The following ISCA1 variants were observed in gnomAD, a reference collection of about 807,000 sequenced individuals.
ISCA1 encodes iron-sulfur cluster assembly 1 homolog, mitochondrial.
ISCA1 carries 9 observed loss-of-function variants against 14.7 expected under a neutral mutation model. The observed-to-expected ratio is 0.61, with a 90% CI of 0.37 to 1.07. The LOEUF is 1.07. Ranked by LOEUF, ISCA1 falls within the 50% of genes least tolerant of loss-of-function variation. The probability of loss-of-function intolerance (pLI) is 0.01; values close to 1 mark genes in which losing one functional copy is unlikely to be tolerated. For missense variants in ISCA1, 102 were observed against 150.1 expected, an observed-to-expected ratio of 0.68 and a Z score of 1.67; for synonymous variants, 38 against 54.3, an observed-to-expected ratio of 0.70 and a Z score of 1.32.
At chr9:86,268,940 G>C (rs926433613) in intron 3 of ISCA1, among the ~76,000 whole-genome samples, 2 of 151,626 alleles carry the variant, frequency 1.3e-5, no homozygotes, top group East Asian at 1.9e-4. Context: ...GACTACAGGC[G>C]TGTGCCACCA....
rs1825283821 is a variant in ISCA1, at chr9:86,265,540, T to C, written c.*503A>G. On this transcript the variant is annotated 3_prime_UTR_variant, in exon 4 of 4. Transcript: ENST00000375991. ...ATAGTTGAAGAAAATCTTTGCCTGG[T>C]ACTATTAAAGAGTATGCAGTGAGGC... 2 of 177,968 alleles carry C rather than the reference T, an allele frequency of 1.1e-5. No homozygotes were observed. Among genetic ancestry groups the C allele is most frequent in the African/African-American group, 2.4e-5 (1 of 41,846 alleles). 11.0% of individuals were successfully genotyped at this position (177,968 alleles called of 1,614,324 possible). A position where few individuals can be genotyped will look rare whatever the true frequency, so the allele number is the denominator to read the frequency against.
chr9:86,276,300 G>A (rs1587820632), intron 1 of ISCA1, among the ~76,000 whole-genome samples: 2 of 152,080 alleles, frequency 1.3e-5, no homozygotes, highest in African/African-American at 2.4e-5. Flanking sequence ...GGTGGAGCTC[G>A]CTTAGGTGGT....
chr9:86,268,767 T>G (rs1825325876), intron 3 of ISCA1, among the ~76,000 whole-genome samples: 1 of 151,960 alleles, frequency 6.6e-6, no homozygotes, highest in African/African-American at 2.4e-5. Flanking sequence ...CAGTGGCTAT[T>G]CACAGGTAAG....
Position 86,274,245 on chromosome 9 carries a change from G to GA in ISCA1, c.82-4dup. On this transcript the variant is annotated splice_polypyrimidine_tract_variant and splice_region_variant and intron_variant, in intron 1 of 3. Coordinates refer to ENST00000375991, the MANE Select transcript of ISCA1 (RefSeq NM_030940.4). Reference sequence around the variant, plus strand: ...ATCTTGTTTACTGCTGAAGGTGTCTGAAAAAAGAAAATGATGTTTTTAGCT... The same window carrying GA: ...ATCTTGTTTACTGCTGAAGGTGTCTGAAAAAAAGAAAATGATGTTTTTAGCT... The GA allele has an allele frequency of 1.3e-6, 2 of 1,574,822 alleles. No homozygotes were observed. The highest frequency in any genetic ancestry group is 1.7e-6 in the Non-Finnish European group (2 of 1,145,342).
intron 1 of ISCA1, among the ~76,000 whole-genome samples, chr9:86,275,948 T>G (rs1825435096): frequency 1.3e-5 from 2 of 152,334 alleles, no homozygotes; most frequent in African/African-American, 4.8e-5. Flanking sequence ...CCAAATGTTT[T>G]TGGCATCAAG....
At chr9:86,270,242 A>G (rs1175406750) in intron 3 of ISCA1, among the ~76,000 whole-genome samples, 1 of 145,606 alleles carries the variant, frequency 6.9e-6, no homozygotes, top group Non-Finnish European at 1.5e-5. Flanking sequence ...AAACAAATTT[A>G]CAAGAAAAAA....
At chr9:86,281,588 G>T (rs368449180) in intron 1 of ISCA1, among the ~76,000 whole-genome samples, 1 of 152,180 alleles carries the variant, frequency 6.6e-6, no homozygotes, top group Non-Finnish European at 1.5e-5. Context: ...CCCTTTAAAA[G>T]GACTAATTTT....
At chr9:86,278,621 G>A (rs982031421) in intron 1 of ISCA1, among the ~76,000 whole-genome samples, 2 of 152,182 alleles carry the variant, frequency 1.3e-5, no homozygotes, top group Non-Finnish European at 1.5e-5. Flanking sequence ...AGTAAGCCAT[G>A]ATCATGCCAC....
At chr9:86,267,438 G>A (rs1825304314) in intron 3 of ISCA1, 1 of 948,148 alleles carries the variant, frequency 1.1e-6, no homozygotes, top group African/African-American at 1.8e-5. Context: ...GCACACTTAG[G>A]AATCTAGGCC....
At chr9:86,279,022 T>G (rs1341894182) in intron 1 of ISCA1, among the ~76,000 whole-genome samples, 1 of 152,216 alleles carries the variant, frequency 6.6e-6, no homozygotes. Flanking sequence ...CTACTTCCAG[T>G]GCTTCTTGTG....
intron 1 of ISCA1, among the ~76,000 whole-genome samples, chr9:86,278,476 G>A (rs1825468895): frequency 6.6e-6 from 1 of 151,962 alleles, no homozygotes; most frequent in Admixed American, 6.6e-5. Flanking sequence ...ACCAGCCTGT[G>A]CAACAGAGCA....
chr9:86,269,447 A>C lies in ISCA1; in HGVS notation c.241+2560T>G, dbSNP rs555862889. ...TGCTCAATGAAATAAAAAAGGATACAAACAAATGGAAGAACATTCCATGCT... is the reference window on the plus strand; with the variant it reads ...TGCTCAATGAAATAAAAAAGGATACCAACAAATGGAAGAACATTCCATGCT... On this transcript the variant is annotated intron_variant, in intron 3 of 3. Transcript: ENST00000375991. Among the ~76,000 whole-genome samples, 6 of 152,304 alleles carry C rather than the reference A, an allele frequency of 3.9e-5. No homozygotes were observed. In the South Asian group the frequency reaches 1.2e-3, roughly 32 times the overall value.
At chr9:86,266,297 C>T (rs1232022833) in intron 3 of ISCA1, 106 bp from the exon 4 acceptor site, 3 of 1,461,786 alleles carry the variant, frequency 2.1e-6, no homozygotes, top group Non-Finnish European at 2.7e-6. Flanking sequence ...GAAAGTCAAA[C>T]AAGAAGCCTT....
chr9:86,269,365 TAGGAATCCAACTTAAAAAGGACGTG>T (rs1348483743), intron 3 of ISCA1, among the ~76,000 whole-genome samples: 18 of 152,162 alleles, frequency 1.2e-4, no homozygotes, highest in Admixed American at 3.3e-4. Context: ...ATAAAATACT[TAGGAATCCAACTTAAAAAGGACGTG>T]AAGGACCTCT....
chr9:86,271,981 C>A (rs1397121878), intron 3 of ISCA1, 26 bp downstream of exon 3: 1 of 1,355,512 alleles, frequency 7.4e-7, no homozygotes, highest in Non-Finnish European at 1.1e-6. Flanking sequence ...AACAATGTGC[C>A]CAAAAAATGT....
At chr9:86,275,570 T>C (rs989363629) in intron 1 of ISCA1, among the ~76,000 whole-genome samples, 1 of 152,338 alleles carries the variant, frequency 6.6e-6, no homozygotes, top group Non-Finnish European at 1.5e-5. Context: ...CAACATGTCT[T>C]AAACATTTTA....
chr9:86,270,269 A>G (rs1228993663), intron 3 of ISCA1, among the ~76,000 whole-genome samples: 1 of 149,720 alleles, frequency 6.7e-6, no homozygotes, highest in Non-Finnish European at 1.5e-5. Context: ...AACCCCATCA[A>G]AAAGTGGGCA....
intron 1 of ISCA1, among the ~76,000 whole-genome samples, chr9:86,280,468 C>T (rs1227405608): frequency 1.3e-5 from 2 of 151,622 alleles, no homozygotes; most frequent in African/African-American, 4.9e-5. Flanking sequence ...TGGTGGTGGG[C>T]GTCTGTAATC....
intron 2 of ISCA1, among the ~76,000 whole-genome samples, chr9:86,273,076 T>C (rs188888154): frequency 6.6e-4 from 101 of 152,328 alleles, no homozygotes; most frequent in Non-Finnish European, 1.3e-3. Context: ...TTAGGCCAAT[T>C]TGTAGTCTAC....
Sources: allele counts gnomAD v4.1 joint callset (sites outside exome capture counted in the v4.1 genomes callset), GRCh38; gene constraint gnomAD v4.1.1; transcripts MANE v1.5; gene names NCBI Gene and HGNC (gene_info 2026-07-23, HGNC 2026-07-21).